Variants in KHK observed in about 807,000 individuals in gnomAD.
KHK encodes the protein ketohexokinase, also known as fructokinase.
Under a neutral mutation model 36.0 loss-of-function variants are expected in KHK, and 37 were observed. The ratio of observed to expected loss-of-function variants is 1.03; its 90% CI spans 0.79 to 1.35. The LOEUF (loss-of-function observed/expected upper bound fraction) is 1.35. Among genes scored for constraint, KHK ranks in the 40% most tolerant of loss-of-function variants. KHK has a pLI of 0.00. For synonymous variants in KHK, 161 were observed against 162.8 expected (o/e 0.99, Z 0.08); for missense variants, 395 against 391.9 (o/e 1.01, Z -0.07).
chr2:27,089,906 G>A (rs577277649), intron 1 of KHK, among the ~76,000 whole-genome samples: 1 of 152,336 alleles, frequency 6.6e-6, no homozygotes, highest in Non-Finnish European at 1.5e-5. Context: ...AGGCTGGAGT[G>A]CAATGGTGCG....
At position 27,087,316 on chromosome 2, in the gene KHK, G is replaced by T; in HGVS notation, c.57G>T (p.Leu19=). The T allele has an allele frequency of 6.2e-7, 1 of 1,600,638 alleles. No individual in the cohort carries two copies. Among genetic ancestry groups the T allele is most frequent in the Non-Finnish European group, 8.5e-7 (1 of 1,173,218 alleles). Residue 19 remains leucine (L), a synonymous_variant, in exon 1 of 8, where the codon CTG becomes CTT. Transcript: ENST00000260598. ...TAGTGGTGCTGGACGTCATCAGCCT[G>T]GTGGACAAGTACCCTAAGGAGGACT... ...VGLVVLDVIS[L]VDKYPKEDSE...
chr2:27,092,368 G>A lies in KHK; in HGVS notation c.129G>A (p.Ala43=), dbSNP rs762939274. The A allele has an allele frequency of 9.9e-6, 16 of 1,613,406 alleles. No individual in the cohort carries two copies. Among genetic ancestry groups the A allele is most frequent in the Admixed American group, 6.7e-5 (4 of 60,006 alleles). Residue 43 remains alanine (A), a synonymous_variant, in exon 2 of 8, where the codon GCG becomes GCA. Transcript: ENST00000260598. The part of the protein sequence containing the change: ...LSQRWQRGGN[A]SNSCTVLSLL... ...AGAGATGGCAGCGCGGAGGCAACGC[G>A]TCCAACTCCTGCACCGTTCTCTCCC...
intron 5 of KHK, among the ~76,000 whole-genome samples, chr2:27,098,124 A>C (rs1234865571): frequency 6.6e-6 from 1 of 152,162 alleles, no homozygotes; most frequent in Admixed American, 6.5e-5. Flanking sequence ...TGTAAATGGA[A>C]TTTGGGAAGT....
In KHK at chr2:27,100,103, A is replaced by C. The variant is rs1037945135; in HGVS notation, c.*353A>C. On this transcript the variant is annotated 3_prime_UTR_variant, in exon 8 of 8. Coordinates refer to ENST00000260598, the MANE Select transcript of KHK (RefSeq NM_006488.3). ...CCAGAGGAGGGGCTGCCTGGGCTAG[A>C]GCAGCGAGAAGTGCCCTGGGCTTGC... 2 of 574,246 alleles carry C rather than the reference A, an allele frequency of 3.5e-6. No individual in the cohort carries two copies. Among genetic ancestry groups the C allele is most frequent in the African/African-American group, 3.8e-5 (2 of 53,202 alleles). 35.6% of individuals were successfully genotyped at this position (574,246 alleles called of 1,614,324 possible). A position where few individuals can be genotyped will look rare whatever the true frequency, so the allele number is the denominator to read the frequency against.
In KHK at chr2:27,097,551, CACA is replaced by C. The variant is rs767719556; in HGVS notation, c.470_472del (p.Asn157del). 7 of 1,613,890 alleles carry C rather than the reference CACA, an allele frequency of 4.3e-6. No homozygotes were observed. Among genetic ancestry groups the C allele is most frequent in the African/African-American group, 4.0e-5 (3 of 74,948 alleles). ...GAAGATGCTGCAGCGGATAGACGCA[CACA>C]ACACCAGGCAGCCTCCAGAGCAGAA... On this transcript the variant is annotated inframe_deletion, in exon 5 of 8. Transcript: ENST00000260598.
chr2:27,098,059 G>A (rs914505610), intron 5 of KHK, among the ~76,000 whole-genome samples: 3 of 152,166 alleles, frequency 2.0e-5, no homozygotes, highest in Non-Finnish European at 4.4e-5. Flanking sequence ...GGGCTGCTAG[G>A]GTGAGGGAAG....
Position 27,087,360 on chromosome 2 carries a change from G to A in KHK, c.92+9G>A. 2 of 1,571,500 alleles carry A rather than the reference G, an allele frequency of 1.3e-6. No homozygotes were observed. The highest frequency in any genetic ancestry group is 1.2e-5 in the South Asian group (1 of 85,898). On this transcript the variant is annotated intron_variant, in intron 1 of 7. Coordinates refer to ENST00000260598, the MANE Select transcript of KHK (RefSeq NM_006488.3). ...GAGGACTCGGAGATAAGGTAGGGGC[G>A]CCCAGGTCCCCTAGGGGACCCCAGG...
Position 27,100,749 on chromosome 2 carries a change from AT to A in KHK, c.*1000del, listed in dbSNP as rs745493492. On this transcript the variant is annotated 3_prime_UTR_variant, in exon 8 of 8. Transcript: ENST00000260598. Reference sequence around the variant, plus strand: ...AATCATATATAAAATGCCCAGCATGATGCCTGATGTGTACAAGGCTCTCAAA... The same window carrying A: ...AATCATATATAAAATGCCCAGCATGAGCCTGATGTGTACAAGGCTCTCAAA... 1.7e-6 allele frequency: 2 copies of A among 1,158,812 alleles called. No individual in the cohort carries two copies. The highest frequency in any genetic ancestry group is 2.2e-6 in the Non-Finnish European group (2 of 916,700). The allele number at this position is 1,158,812 out of a possible 1,614,324, so 71.8% of individuals were successfully genotyped here.
In KHK at chr2:27,099,677, A is replaced by G. The variant is rs776433978; in HGVS notation, c.824A>G (p.Gln275Arg). 6.2e-7 allele frequency: 1 copy of G among 1,614,146 alleles called. No homozygotes were observed. Among genetic ancestry groups the G allele is most frequent in the Non-Finnish European group, 8.5e-7 (1 of 1,180,016 alleles). The change falls in exon 8 of 8, where the codon CAG (glutamine) becomes CGG (arginine). Residue 275 changes from glutamine (Q) to arginine (R), a missense_variant. By Grantham distance (43) the Gln-to-Arg change is conservative. Coordinates refer to ENST00000260598, the MANE Select transcript of KHK (RefSeq NM_006488.3). ...GCCCCTCCTCCAGGGAGGAGCGTGC[A>G]GGAAGCACTGAGATTCGGGTGCCAG... ...IFSLSQGRSV[Q>R]EALRFGCQVA... is the part of the protein sequence containing the mutation.
rs1191589923 is a variant in KHK, at chr2:27,092,933, C to T, written c.209+485C>T. On this transcript the variant is annotated intron_variant, in intron 2 of 7. Transcript: ENST00000260598. ...GCAGTGAGAGTACCCTGTTCAAGGACACCCTGAAGCCACATGCTAAAGCTG... is the reference window on the plus strand; with the variant it reads ...GCAGTGAGAGTACCCTGTTCAAGGATACCCTGAAGCCACATGCTAAAGCTG... 2.6e-5 allele frequency among the ~76,000 whole-genome samples: 4 copies of T among 152,164 alleles called. No homozygotes were observed. In the East Asian group the frequency reaches 7.7e-4, roughly 29 times the overall value.
chr2:27,099,393 A>T (rs771149929), intron 6 of KHK, 27 bp from the exon 7 acceptor site: 4 of 1,612,386 alleles, frequency 2.5e-6, no homozygotes, highest in Admixed American at 3.3e-5. Context: ...GTGGGCTAAC[A>T]CCCAGCTGAG....
At chr2:27,094,648 G>A (rs778425761) in intron 2 of KHK, 152 bp from the exon 3 acceptor site, 21 of 1,613,750 alleles carry the variant, frequency 1.3e-5, no homozygotes, top group Non-Finnish European at 1.6e-5. Flanking sequence ...AGCTGCTGCC[G>A]CCGCCACCAA....
chr2:27,098,594 G>A (rs762973695), intron 5 of KHK, among the ~76,000 whole-genome samples: 11 of 152,110 alleles, frequency 7.2e-5, no homozygotes, highest in Non-Finnish European at 1.5e-4. Flanking sequence ...TTGATTGGCA[G>A]GGGTAGAGCC....
Position 27,099,122 on chromosome 2 carries a change from G to A in KHK, c.565-74G>A. ...CATGTTGGGGGAGTCGTGTTGTAAT[G>A]GGGGCAACGCTAGGCTGCTGTTGGT... On this transcript the variant is annotated intron_variant, in intron 5 of 7. Transcript: ENST00000260598. 10 of 1,320,338 alleles carry A rather than the reference G, an allele frequency of 7.6e-6. No individual in the cohort carries two copies. In the South Asian group the frequency reaches 1.2e-4, roughly 16 times the overall value. The allele number at this position is 1,320,338 out of a possible 1,614,324, so 81.8% of individuals were successfully genotyped here.
chr2:27,094,677 C>T, intron 2 of KHK, 123 bp from the exon 3 acceptor site: 1 of 1,613,520 alleles, frequency 6.2e-7, no homozygotes, highest in Non-Finnish European at 8.5e-7. Flanking sequence ...GAACAGGACT[C>T]TTCTTCTCTT....
chr2:27,096,905 A>G (rs1670388666), intron 4 of KHK, 104 bp downstream of exon 4: 2 of 848,272 alleles, frequency 2.4e-6, no homozygotes, highest in Non-Finnish European at 4.0e-6. Context: ...TTAGAGATAA[A>G]TGAACCCAAC....
intron 1 of KHK, among the ~76,000 whole-genome samples, chr2:27,087,645 A>G (rs552296527): frequency 6.6e-6 from 1 of 152,220 alleles, no homozygotes; most frequent in South Asian, 2.1e-4. Context: ...CATTTTACTG[A>G]TAAGTATAGA....
At chr2:27,094,536 C>A (rs1265974658) in intron 2 of KHK, 3 of 1,614,140 alleles carry the variant, frequency 1.9e-6, no homozygotes, top group Non-Finnish European at 2.5e-6. Flanking sequence ...GTCTTTCAGA[C>A]CACAGGCTCC....
In KHK at chr2:27,092,328, G is replaced by A. The variant is rs1670059868; in HGVS notation, c.93-4G>A. ...GCTGCAGGGACCCTCCCTGTGCTTT[G>A]CAGGTGTTTGTCCCAGAGATGGCAG... On this transcript the variant is annotated splice_polypyrimidine_tract_variant and splice_region_variant and intron_variant, in intron 1 of 7. Transcript: ENST00000260598. 6.2e-7 allele frequency: 1 copy of A among 1,610,330 alleles called. No homozygotes were observed. The highest frequency in any genetic ancestry group is 1.7e-5 in the Admixed American group (1 of 60,004).
Sources: gnomAD v4.1 joint callset for allele counts (sites outside exome capture counted in the v4.1 genomes callset) on GRCh38, gnomAD v4.1.1 for gene constraint, MANE v1.5 for transcripts, NCBI Gene and HGNC (gene_info 2026-07-23, HGNC 2026-07-21) for gene names.